The following STK36 variants were observed in gnomAD, a reference collection of about 807,000 sequenced individuals.
STK36 encodes serine/threonine kinase 36.
Under a neutral mutation model 142.2 loss-of-function variants are expected in STK36, and 116 were observed. The ratio of observed to expected loss-of-function variants is 0.82; its 90% CI spans 0.70 to 0.95. STK36 has a LOEUF of 0.95. STK36 is among the 40% of genes least tolerant of loss of function. STK36 has a pLI of 0.00. For synonymous variants in STK36, 619 were observed against 641.7 expected (o/e 0.96, Z 0.53); for missense variants, 1,422 against 1,617.2 (o/e 0.88, Z 2.07).
chr2:218,687,658 G>T (rs1226020696), intron 11 of STK36, among the ~76,000 whole-genome samples: 1 of 152,170 alleles, frequency 6.6e-6, no homozygotes, highest in Non-Finnish European at 1.5e-5. Context: ...AATTCCAGCT[G>T]CACTACTCAT....
intron 6 of STK36, among the ~76,000 whole-genome samples, chr2:218,678,811 T>C (rs1940372194): frequency 6.6e-6 from 1 of 152,240 alleles, no homozygotes; most frequent in East Asian, 1.9e-4. Flanking sequence ...GTGAATAGTT[T>C]GGGAGTTCTT....
chr2:218,685,505 G>T (rs1031610526), intron 11 of STK36, among the ~76,000 whole-genome samples: 3 of 152,030 alleles, frequency 2.0e-5, no homozygotes, highest in African/African-American at 7.2e-5. Context: ...AAAAATGGAG[G>T]ATATTATGTT....
intron 11 of STK36, 173 bp from the exon 12 acceptor site, chr2:218,688,523 TG>T: frequency 1.3e-6 from 1 of 747,770 alleles, no homozygotes; most frequent in Non-Finnish European, 2.2e-6. Context: ...TCTTCTTCCC[TG>T]GTACAGTTCC....
At chr2:218,676,895 CT>C (rs894300687) in intron 6 of STK36, among the ~76,000 whole-genome samples, 5 of 152,154 alleles carry the variant, frequency 3.3e-5, no homozygotes, top group African/African-American at 1.2e-4. Flanking sequence ...CGTGACTCGC[CT>C]GCCTCAGCCT....
chr2:218,672,255 G>C (rs1940012107), intron 1 of STK36, 40 bp downstream of exon 1: 2 of 529,012 alleles, frequency 3.8e-6, no homozygotes, highest in Non-Finnish European at 6.8e-6. Context: ...GGAGAGGCGG[G>C]TGGAGAAGAA....
intron 11 of STK36, chr2:218,688,346 G>T: frequency 2.1e-6 from 1 of 480,342 alleles, no homozygotes; most frequent in East Asian, 6.3e-5. Context: ...GCATTGTTTT[G>T]AATTTTCAGA....
At chr2:218,685,012 T>G (rs1575130422) in intron 10 of STK36, 73 bp from the exon 11 acceptor site, 1 of 1,579,294 alleles carries the variant, frequency 6.3e-7, no homozygotes, top group East Asian at 2.3e-5. Context: ...TTCCCCATGG[T>G]TTCTACTGGT....
chr2:218,694,011 A>G lies in STK36; in HGVS notation c.2336+28A>G, dbSNP rs372945043. ...AAGTCATAAAGTAGGGTGTCTCCAC[A>G]GAAGTCTTCTAGCCACATAGCTAAC... On this transcript the variant is annotated intron_variant, in intron 19 of 26. Coordinates refer to ENST00000295709, the MANE Select transcript of STK36 (RefSeq NM_015690.5). The surrounding 1 kb of genome is among the most constrained non-coding windows in gnomAD (Gnocchi z 4.4). 312 of 1,608,294 alleles carry G rather than the reference A, an allele frequency of 1.9e-4. No individual in the cohort carries two copies. The highest frequency in any genetic ancestry group is 2.4e-4 in the Non-Finnish European group (281 of 1,174,698).
At chr2:218,676,422 T>C (rs1940249786) in intron 6 of STK36, 144 bp downstream of exon 6, 5 of 1,134,536 alleles carry the variant, frequency 4.4e-6, no homozygotes, top group Non-Finnish European at 6.1e-6. Context: ...GTTCTCGCAT[T>C]GCTATACAGA....
intron 26 of STK36, among the ~76,000 whole-genome samples, chr2:218,701,117 T>G (rs572650480): frequency 6.6e-6 from 1 of 150,986 alleles, no homozygotes; most frequent in South Asian, 2.1e-4. Flanking sequence ...GAGCAGAAAT[T>G]TGAGAGGATG....
At position 218,685,225 on chromosome 2, in the gene STK36, G is replaced by T. The variant is rs1360255221; in HGVS notation, c.1377G>T (p.Gly459=). Residue 459 remains glycine (G), a synonymous_variant, in exon 11 of 27, where the codon GGG becomes GGT. Coordinates refer to ENST00000295709, the MANE Select transcript of STK36 (RefSeq NM_015690.5). Reference sequence around the variant, plus strand: ...AGAGTCAGCTGCATGAAGCTGGAGGGCAGGTAATGGGGAGAAAGACACTGT... The same window carrying T: ...AGAGTCAGCTGCATGAAGCTGGAGGTCAGGTAATGGGGAGAAAGACACTGT... ...RIQSQLHEAG[G]QILKGILEGA... The T allele has an allele frequency of 1.9e-6, 3 of 1,614,150 alleles. No homozygotes were observed. In the South Asian group the frequency reaches 3.3e-5, roughly 18 times the overall value.
At chr2:218,684,814 T>A (rs1940705166) in intron 10 of STK36, 2 of 326,232 alleles carry the variant, frequency 6.1e-6, no homozygotes, top group Non-Finnish European at 1.1e-5. Context: ...TCTTTTCCTT[T>A]TTAAAATTAT....
At chr2:218,696,708 C>A in intron 22 of STK36, 107 bp downstream of exon 22, 1 of 1,201,958 alleles carries the variant, frequency 8.3e-7, no homozygotes, top group Non-Finnish European at 1.2e-6. Context: ...CCTTCCCTCT[C>A]AAGCTACTGT....
chr2:218,688,520 C>T lies in STK36; in HGVS notation c.1381-177C>T, dbSNP rs905429686. Reference sequence around the variant, plus strand: ...TAACCTGACCATCTATTGTCTTCTTCCCTGGTACAGTTCCCCTATTTCCCT... The same window carrying T: ...TAACCTGACCATCTATTGTCTTCTTTCCTGGTACAGTTCCCCTATTTCCCT... On this transcript the variant is annotated intron_variant, in intron 11 of 26. Coordinates refer to ENST00000295709, the MANE Select transcript of STK36 (RefSeq NM_015690.5). 8 of 732,400 alleles carry T rather than the reference C, an allele frequency of 1.1e-5. No individual in the cohort carries two copies. The East Asian group carries it at 1.5e-4, about 14-fold the overall frequency. 45.4% of individuals were successfully genotyped at this position (732,400 alleles called of 1,614,324 possible). A position where few individuals can be genotyped will look rare whatever the true frequency, so the allele number is the denominator to read the frequency against.
At chr2:218,682,645 G>A (rs1940578471) in intron 10 of STK36, among the ~76,000 whole-genome samples, 1 of 152,062 alleles carries the variant, frequency 6.6e-6, no homozygotes, top group Admixed American at 6.6e-5. Context: ...CCAGGGTGGA[G>A]TGCAATGATG....
At position 218,698,642 on chromosome 2, in the gene STK36, C is replaced by T; in HGVS notation, c.3098C>T (p.Pro1033Leu). ...YHLPLMQVEL[P>L]ISLLTRLALM... ...CTTCCGTTGATGCAAGTGGAGCTGC[C>T]CATCAGCCTTCTCACACGCCTGGCC... Residue 1033 changes from proline to leucine, a missense_variant, in exon 26 of 27, where the codon CCC becomes CTC. By Grantham distance (98) the Pro-to-Leu change is moderately conservative. This residue lies in a region of STK36 where 962 missense variants were observed against 1,167.5 expected (regional missense o/e 0.82). Transcript: ENST00000295709. The T allele has an allele frequency of 6.2e-7, 1 of 1,614,130 alleles. No individual in the cohort carries two copies. The highest frequency in any genetic ancestry group is 8.5e-7 in the Non-Finnish European group (1 of 1,180,016).
At chr2:218,685,534 G>A (rs1403736236) in intron 11 of STK36, among the ~76,000 whole-genome samples, 1 of 151,664 alleles carries the variant, frequency 6.6e-6, no homozygotes, top group Non-Finnish European at 1.5e-5. Context: ...ACATAATGAG[G>A]GAAAACACAT....
In STK36 at chr2:218,699,233, A is replaced by T. The variant is rs1029808783; in HGVS notation, c.3689A>T (p.Gln1230Leu). Reference sequence around the variant, plus strand: ...GAAGGTTTGGGAGAGGAGCTGTTACAGTGCGAAGTACCCCAGCGGCTCCTA... The same window carrying T: ...GAAGGTTTGGGAGAGGAGCTGTTACTGTGCGAAGTACCCCAGCGGCTCCTA... ...GPEGLGEELL[Q>L]CEVPQRLLEM... Residue 1230 changes from glutamine to leucine, a missense_variant, in exon 26 of 27, where the codon CAG becomes CTG. Gln to Leu is a moderately radical substitution (Grantham distance 113, BLOSUM62 -2). Transcript: ENST00000295709. 6.2e-7 allele frequency: 1 copy of T among 1,613,844 alleles called. No individual in the cohort carries two copies. Among genetic ancestry groups the T allele is most frequent in the Non-Finnish European group, 8.5e-7 (1 of 1,180,016 alleles).
chr2:218,676,161 A>G lies in STK36; in HGVS notation c.567A>G (p.Ile189Met). ...HTADLWSVGC[I>M]LYELAVGTPP... ...CGGACCTCTGGTCTGTTGGCTGCAT[A>G]CTATATGAACTGGCAGTAGGCACCC... Residue 189 changes from isoleucine (I) to methionine (M), a missense_variant, in exon 6 of 27, where the codon ATA becomes ATG. Physicochemically the swap from Ile to Met is conservative, Grantham distance 10. This residue lies in a region of STK36 where 460 missense variants were observed against 449.6 expected (regional missense o/e 1.02). Transcript: ENST00000295709. The G allele has an allele frequency of 6.2e-7, 1 of 1,614,110 alleles. No individual in the cohort carries two copies. Among genetic ancestry groups the G allele is most frequent in the Non-Finnish European group, 8.5e-7 (1 of 1,180,022 alleles).
Sources: allele counts gnomAD v4.1 joint callset (sites outside exome capture counted in the v4.1 genomes callset), GRCh38; gene constraint gnomAD v4.1.1; regional missense constraint gnomAD v4.1.1; non-coding constraint Gnocchi (gnomAD v3.1); transcripts MANE v1.5; gene names NCBI Gene and HGNC (gene_info 2026-07-23, HGNC 2026-07-21).